The following CDH13 variants were observed in gnomAD, a reference collection of about 807,000 sequenced individuals.
CDH13 encodes the protein cadherin 13, also known as cadherin-13.
In CDH13, 24 loss-of-function variants were observed where a neutral mutation model predicts 63.8. That is an observed-to-expected ratio of 0.38 (90% CI 0.27 to 0.53). The LOEUF (loss-of-function observed/expected upper bound fraction) is 0.53, where lower values mean the gene tolerates loss of function less well. CDH13 is among the 20% of genes least tolerant of loss of function. The pLI is 0.85. For missense variants in CDH13, 1,049 were observed against 903.1 expected, an observed-to-expected ratio of 1.16 and a Z score of -2.07; for synonymous variants, 503 against 355.3, an observed-to-expected ratio of 1.42 and a Z score of -4.67.
intron 10 of CDH13, among the ~76,000 whole-genome samples, chr16:83,687,816 C>T (rs1904462298): frequency 6.6e-6 from 1 of 152,226 alleles, no homozygotes; most frequent in Non-Finnish European, 1.5e-5. Context: ...TGCCGTCAGC[C>T]AACCCTTCTT....
chr16:82,632,960 C>T (rs1908199683), intron 1 of CDH13, among the ~76,000 whole-genome samples: 1 of 152,154 alleles, frequency 6.6e-6, no homozygotes, highest in African/African-American at 2.4e-5. Flanking sequence ...ACAGTTCACA[C>T]AGGATTCCAA....
At chr16:82,654,243 C>G (rs1453886880) in intron 1 of CDH13, among the ~76,000 whole-genome samples, 2 of 152,186 alleles carry the variant, frequency 1.3e-5, no homozygotes, top group South Asian at 2.1e-4. Context: ...CCTGAAACCT[C>G]TGGACAGTGT....
At chr16:82,853,855 A>T (rs1018346767) in intron 1 of CDH13, among the ~76,000 whole-genome samples, 2 of 152,178 alleles carry the variant, frequency 1.3e-5, no homozygotes, top group Admixed American at 1.3e-4. Context: ...CAGAGCATAT[A>T]TTCTAGAAAA....
chr16:83,594,301 C>T (rs984611126), intron 7 of CDH13, among the ~76,000 whole-genome samples: 1 of 152,180 alleles, frequency 6.6e-6, no homozygotes, highest in Non-Finnish European at 1.5e-5. Flanking sequence ...TTAATTCTCA[C>T]GTATCCTATA....
At chr16:82,933,786 C>T (rs146544723) in intron 2 of CDH13, among the ~76,000 whole-genome samples, 1 of 152,324 alleles carries the variant, frequency 6.6e-6, no homozygotes, top group East Asian at 1.9e-4. Context: ...CCGGGCAAGT[C>T]TGAAATCCAA....
intron 11 of CDH13, among the ~76,000 whole-genome samples, chr16:83,778,484 C>A (rs1442157896): frequency 1.3e-5 from 2 of 151,058 alleles, no homozygotes; most frequent in African/African-American, 4.9e-5. Flanking sequence ...AAGCCGAGAC[C>A]ACACCACTGC....
At chr16:83,487,231 A>G (rs982486265) in intron 7 of CDH13, among the ~76,000 whole-genome samples, 5 of 152,200 alleles carry the variant, frequency 3.3e-5, no homozygotes, top group African/African-American at 1.2e-4. Flanking sequence ...GTCAGTCCAC[A>G]TGCCTGCTCT....
chr16:83,506,840 C>G lies in CDH13; in HGVS notation c.960+20185C>G, dbSNP rs112414617. 2.5e-3 allele frequency among the ~76,000 whole-genome samples: 374 copies of G among 152,322 alleles called. 1 individual carries two copies. Among genetic ancestry groups the G allele is most frequent in the African/African-American group, 8.6e-3 (358 of 41,570 alleles). On this transcript the variant is annotated intron_variant, in intron 7 of 13. Transcript: ENST00000567109. ...CACCTACTAATAGCCAGCATCAATT[C>G]TTTAGCCGTATGTGTGAGCCACCTT...
intron 1 of CDH13, among the ~76,000 whole-genome samples, chr16:82,712,981 T>C (rs1056068733): frequency 2.6e-5 from 4 of 152,108 alleles, no homozygotes; most frequent in Non-Finnish European, 4.4e-5. Context: ...CCCTCAGGCA[T>C]GAGCACAATG....
intron 7 of CDH13, among the ~76,000 whole-genome samples, chr16:83,526,191 CAG>C (rs1320148945): frequency 1.3e-5 from 2 of 152,218 alleles, no homozygotes; most frequent in African/African-American, 4.8e-5. Context: ...AGCCAGTCAT[CAG>C]AGTCAGAAGT....
intron 6 of CDH13, among the ~76,000 whole-genome samples, chr16:83,455,578 T>C (rs2073001623): frequency 6.6e-6 from 1 of 152,206 alleles, no homozygotes; most frequent in South Asian, 2.1e-4. Context: ...TGGCTCCTTC[T>C]TGTGCTCTTC....
rs141147802 is a variant in CDH13, at chr16:83,188,081, G to A, written c.484-29264G>A. ...TTAGATAGGAGAAAAGCTGTGACCA[G>A]ATCACAGAAGGTCTTGGAGCCCACC... On this transcript the variant is annotated intron_variant, in intron 4 of 13. Coordinates refer to ENST00000567109, the MANE Select transcript of CDH13 (RefSeq NM_001257.5). Among the ~76,000 whole-genome samples, 10 of 152,344 alleles carry A rather than the reference G, an allele frequency of 6.6e-5. No individual in the cohort carries two copies. The East Asian group carries it at 1.9e-3, about 29-fold the overall frequency.
intron 2 of CDH13, among the ~76,000 whole-genome samples, chr16:82,877,940 CACACACACACACACACACACATAT>C (rs1046043825): frequency 8.0e-5 from 11 of 137,656 alleles, no homozygotes; most frequent in East Asian, 1.1e-3. Flanking sequence ...CACACACACA[CACACACACACACACACACACATAT>C]ACACACACAC....
chr16:83,297,469 A>T (rs773177951), intron 5 of CDH13, among the ~76,000 whole-genome samples: 15 of 152,210 alleles, frequency 9.9e-5, no homozygotes, highest in Non-Finnish European at 1.8e-4. Flanking sequence ...AGTGGGACGC[A>T]AGTGAATGTA....
At chr16:83,787,514 A>T (rs1237550258) in intron 13 of CDH13, among the ~76,000 whole-genome samples, 2 of 152,166 alleles carry the variant, frequency 1.3e-5, no homozygotes, top group African/African-American at 4.8e-5. Context: ...CAGCAGACAC[A>T]TTCGAATCAT....
At chr16:82,851,231 C>G (rs908411032) in intron 1 of CDH13, among the ~76,000 whole-genome samples, 1 of 151,876 alleles carries the variant, frequency 6.6e-6, no homozygotes, top group Non-Finnish European at 1.5e-5. Context: ...GTCAGGAGTT[C>G]GAGACCAGCC....
chr16:83,591,025 C>G (rs1038675216), intron 7 of CDH13, among the ~76,000 whole-genome samples: 5 of 151,414 alleles, frequency 3.3e-5, no homozygotes, highest in African/African-American at 1.2e-4. Context: ...ATCCTCCTGC[C>G]TCAGCCTCCC....
intron 3 of CDH13, among the ~76,000 whole-genome samples, chr16:83,054,607 A>G (rs75159109): frequency 0.07 from 10,675 of 152,258 alleles, 527 homozygotes; most frequent in Non-Finnish European, 0.11. Context: ...TTTCCATGTA[A>G]TATTTTCAGA....
At chr16:82,774,079 G>A (rs1903617) in intron 1 of CDH13, among the ~76,000 whole-genome samples, 34,200 of 151,860 alleles carry the variant, frequency 0.23, 4,385 homozygotes, top group South Asian at 0.33. Flanking sequence ...CACCGTGCCC[G>A]GCCAGTATTG....
Sources: gnomAD v4.1 joint callset for allele counts (sites outside exome capture counted in the v4.1 genomes callset) on GRCh38, gnomAD v4.1.1 for gene constraint, MANE v1.5 for transcripts, NCBI Gene and HGNC (gene_info 2026-07-23, HGNC 2026-07-21) for gene names.